The following CFAP20 variants were observed in gnomAD, a reference collection of about 807,000 sequenced individuals.
CFAP20 encodes cilia and flagella associated protein 20, also known as cilia- and flagella-associated protein 20.
Under a neutral mutation model 25.5 loss-of-function variants are expected in CFAP20, and 14 were observed. The ratio of observed to expected loss-of-function variants is 0.55; its 90% CI spans 0.36 to 0.86. The LOEUF (loss-of-function observed/expected upper bound fraction) is 0.86, where lower values mean the gene tolerates loss of function less well. Ranked by LOEUF, CFAP20 falls within the 40% of genes least tolerant of loss-of-function variation. The pLI is 0.01. For missense variants in CFAP20, 181 were observed against 248.0 expected (o/e 0.73, Z 1.81); for synonymous variants, 75 against 91.1 (o/e 0.82, Z 1.01).
chr16:58,115,068 A>T (rs1960438693), intron 4 of CFAP20, 148 bp from the exon 5 acceptor site: 6 of 965,708 alleles, frequency 6.2e-6, no homozygotes, highest in Middle Eastern at 2.1e-4. Flanking sequence ...GGCAAGAGGG[A>T]GGTCTTACTT....
At chr16:58,115,220 A>G in intron 4 of CFAP20, 49 bp downstream of exon 4, 2 of 1,606,852 alleles carry the variant, frequency 1.2e-6, no homozygotes, top group Non-Finnish European at 1.7e-6. Flanking sequence ...TATTAGACGC[A>G]GTGTGCCCTA....
intron 4 of CFAP20, 140 bp from the exon 5 acceptor site, chr16:58,115,060 C>G: frequency 1.0e-6 from 1 of 981,620 alleles, no homozygotes; most frequent in South Asian, 1.5e-5. Context: ...TGGATTCTGG[C>G]AAGAGGGAGG....
At chr16:58,117,157 A>T in intron 1 of CFAP20, 1 of 550,076 alleles carries the variant, frequency 1.8e-6, no homozygotes. Flanking sequence ...GCAATCCCTA[A>T]ATCTGGGGAA....
chr16:58,123,982 G>T (rs1960575404), intron 1 of CFAP20, among the ~76,000 whole-genome samples: 1 of 152,196 alleles, frequency 6.6e-6, no homozygotes, highest in Non-Finnish European at 1.5e-5. Flanking sequence ...CTAATGAAAA[G>T]ATGGGAGTGA....
At chr16:58,120,166 G>A (rs572073094) in intron 1 of CFAP20, among the ~76,000 whole-genome samples, 1 of 152,352 alleles carries the variant, frequency 6.6e-6, no homozygotes, top group South Asian at 2.1e-4. Flanking sequence ...ATAAGAGCTG[G>A]CAGTATTCCA....
rs966539773 is a variant in CFAP20 at position 58,125,227 on chromosome 16, T to C, written c.84+3805A>G. Among the ~76,000 whole-genome samples the C allele has an allele frequency of 2.2e-4, 34 of 152,200 alleles. 1 individual carries two copies. ...ATTAACATCAATCACAGTCTCCACC[T>C]CCACATGCTGTCCCACTGGAAGGTC... On this transcript the variant is annotated intron_variant, in intron 1 of 5. Coordinates refer to ENST00000262498, the MANE Select transcript of CFAP20 (RefSeq NM_013242.3).
At chr16:58,116,222 C>A in intron 2 of CFAP20, 70 bp from the exon 3 acceptor site, 1 of 1,144,700 alleles carries the variant, frequency 8.7e-7, no homozygotes, top group Non-Finnish European at 1.3e-6. Context: ...ACAACAATAA[C>A]ACACGGTCCA....
intron 1 of CFAP20, among the ~76,000 whole-genome samples, chr16:58,123,120 G>C (rs190543416): frequency 2.0e-5 from 3 of 151,698 alleles, no homozygotes; most frequent in African/African-American, 7.3e-5. Flanking sequence ...TCAGCCTCCC[G>C]AGTAGCTGGG....
intron 1 of CFAP20, among the ~76,000 whole-genome samples, chr16:58,118,865 G>A (rs1218190972): frequency 6.6e-6 from 1 of 152,110 alleles, no homozygotes; most frequent in Non-Finnish European, 1.5e-5. Context: ...GACTATTAGG[G>A]CTGAATGGAA....
At chr16:58,116,654 G>T in intron 2 of CFAP20, 1 of 523,790 alleles carries the variant, frequency 1.9e-6, no homozygotes. Context: ...TTTACTCCTC[G>T]CAATAACCCT....
chr16:58,113,935 A>G lies in CFAP20; in HGVS notation c.*90T>C, dbSNP rs369929997. 560 of 1,431,016 alleles carry G rather than the reference A, an allele frequency of 3.9e-4. 1 individual carries two copies. The highest frequency in any genetic ancestry group is 4.7e-4 in the Non-Finnish European group (473 of 1,014,328). The allele number at this position is 1,431,016 out of a possible 1,614,324, so 88.6% of individuals were successfully genotyped here. A position where few individuals can be genotyped will look rare whatever the true frequency, so the allele number is the denominator to read the frequency against. Reference sequence around the variant, plus strand: ...CAGAACTACAGCAGAGCAAACTAAGATAAATATGTTTTTGCATCGTCCTCC... The same window carrying G: ...CAGAACTACAGCAGAGCAAACTAAGGTAAATATGTTTTTGCATCGTCCTCC... On this transcript the variant is annotated 3_prime_UTR_variant, in exon 6 of 6. Transcript: ENST00000262498.
intron 1 of CFAP20, among the ~76,000 whole-genome samples, chr16:58,119,993 G>A (rs1025974317): frequency 1.3e-5 from 2 of 150,064 alleles, no homozygotes; most frequent in Non-Finnish European, 3.0e-5. Flanking sequence ...CACCTCACTC[G>A]CCATCTCATG....
Position 58,129,247 on chromosome 16 carries a change from C to G in CFAP20, c.-132G>C. ...AGAAGGGTGGTTGAGCTCCTGGCCT[C>G]CGGATCTGCAGCCACTGATGGCCGG... On this transcript the variant is annotated 5_prime_UTR_variant, in exon 1 of 6. Coordinates refer to ENST00000262498, the MANE Select transcript of CFAP20 (RefSeq NM_013242.3). The G allele has an allele frequency of 2.2e-6, 2 of 921,290 alleles. No homozygotes were observed. The highest frequency in any genetic ancestry group is 3.3e-6 in the Non-Finnish European group (2 of 611,354). 57.1% of individuals were successfully genotyped at this position (921,290 alleles called of 1,614,324 possible).
chr16:58,119,414 T>C (rs1263998511), intron 1 of CFAP20: 1 of 152,254 alleles, frequency 6.6e-6, no homozygotes, highest in African/African-American at 2.4e-5. Flanking sequence ...ATGAATAGGT[T>C]CAAGGAGGGT....
intron 2 of CFAP20, chr16:58,116,487 T>C (rs1960459630): frequency 5.8e-6 from 2 of 343,614 alleles, no homozygotes; most frequent in Admixed American, 4.3e-5. Flanking sequence ...GAGACCTCTA[T>C]GGCACTGAAA....
chr16:58,125,846 G>A (rs913770262), intron 1 of CFAP20, among the ~76,000 whole-genome samples: 1 of 152,136 alleles, frequency 6.6e-6, no homozygotes, highest in African/African-American at 2.4e-5. Flanking sequence ...TCACAAACAC[G>A]AGTAATGCAT....
intron 1 of CFAP20, among the ~76,000 whole-genome samples, chr16:58,128,116 G>C (rs976400413): frequency 7.2e-5 from 11 of 152,184 alleles, no homozygotes; most frequent in African/African-American, 2.7e-4. Context: ...TCAAGAAATA[G>C]TACAGCTGAT....
At chr16:58,126,463 G>A (rs1960613886) in intron 1 of CFAP20, among the ~76,000 whole-genome samples, 1 of 152,162 alleles carries the variant, frequency 6.6e-6, no homozygotes, top group Non-Finnish European at 1.5e-5. Flanking sequence ...CTAAACAAAA[G>A]TCAAACCAAA....
At chr16:58,116,014 T>C (rs1390958395) in intron 3 of CFAP20, 27 bp downstream of exon 3, 1 of 1,515,208 alleles carries the variant, frequency 6.6e-7, no homozygotes, top group Non-Finnish European at 9.2e-7. Flanking sequence ...TAGCCAAGAG[T>C]GGACACATTC....
Sources: gnomAD v4.1 joint callset for allele counts (sites outside exome capture counted in the v4.1 genomes callset) on GRCh38, gnomAD v4.1.1 for gene constraint, MANE v1.5 for transcripts, NCBI Gene and HGNC (gene_info 2026-07-23, HGNC 2026-07-21) for gene names.